The following SNAPC3 variants were observed in gnomAD, a reference collection of about 807,000 sequenced individuals.
The protein encoded by SNAPC3 is small nuclear RNA activating complex polypeptide 3, also known as snRNA-activating protein complex subunit 3.
In SNAPC3, 56 loss-of-function variants were observed where a neutral mutation model predicts 47.7. The observed-to-expected ratio is 1.18, with a 90% CI of 0.95 to 1.47. The LOEUF (loss-of-function observed/expected upper bound fraction) is 1.47. Among genes scored for constraint, SNAPC3 ranks in the 40% most tolerant of loss-of-function variants. The probability of loss-of-function intolerance (pLI) is 0.00; values close to 1 mark genes in which losing one functional copy is unlikely to be tolerated. For synonymous variants in SNAPC3, 235 were observed against 189.9 expected, an observed-to-expected ratio of 1.24 and a Z score of -1.95; for missense variants, 665 against 511.3, an observed-to-expected ratio of 1.30 and a Z score of -2.90.
chr9:15,447,599 A>T (rs900433374), intron 5 of SNAPC3, among the ~76,000 whole-genome samples: 2 of 151,982 alleles, frequency 1.3e-5, no homozygotes, highest in Admixed American at 1.3e-4. Context: ...TCTCAGCTCA[A>T]TAGTGACCAC....
chr9:15,434,910 T>C (rs960468934), intron 3 of SNAPC3, among the ~76,000 whole-genome samples: 7 of 152,232 alleles, frequency 4.6e-5, no homozygotes, highest in African/African-American at 1.2e-4. Context: ...TGTACAGATA[T>C]CTTTTTAAGT....
At chr9:15,442,741 G>T (rs1022617813) in intron 3 of SNAPC3, among the ~76,000 whole-genome samples, 3 of 152,196 alleles carry the variant, frequency 2.0e-5, no homozygotes, top group African/African-American at 7.2e-5. Context: ...CAGCCAGGCA[G>T]AGACGCTCTT....
At chr9:15,461,904 T>C (rs551120060), downstream of SNAPC3, 2 of 152,338 alleles carry the variant, frequency 1.3e-5, no homozygotes, top group Admixed American at 1.3e-4. Context: ...ATTTTTACTT[T>C]CTTGTATACA....
At chr9:15,424,041 T>C in intron 2 of SNAPC3, 55 bp downstream of exon 2, 1 of 1,084,710 alleles carries the variant, frequency 9.2e-7, no homozygotes, top group Non-Finnish European at 1.3e-6. Context: ...TTCAACATTA[T>C]GTTTTGAAAA....
chr9:15,439,378 A>G (rs1374912873), intron 3 of SNAPC3, among the ~76,000 whole-genome samples: 1 of 152,000 alleles, frequency 6.6e-6, no homozygotes, highest in Non-Finnish European at 1.5e-5. Flanking sequence ...TTCTTTGTCT[A>G]TTGAAACCTT....
chr9:15,450,659 T>C (rs901756781), intron 5 of SNAPC3, among the ~76,000 whole-genome samples: 18 of 152,220 alleles, frequency 1.2e-4, no homozygotes, highest in African/African-American at 4.3e-4. Flanking sequence ...TCTGGTTGCA[T>C]GTTTTTTTCT....
At chr9:15,451,427 A>G (rs1470751932) in intron 6 of SNAPC3, 25 bp downstream of exon 6, 3 of 1,127,248 alleles carry the variant, frequency 2.7e-6, no homozygotes, top group Non-Finnish European at 3.9e-6. Flanking sequence ...AATCTTCTCA[A>G]AGTCTTTCCT....
At chr9:15,465,291 T>G, downstream of SNAPC3, 1 of 446,358 alleles carries the variant, frequency 2.2e-6, no homozygotes, top group Non-Finnish European at 3.9e-6. Flanking sequence ...GTTTAACATT[T>G]TCTAAATGGA....
At chr9:15,434,765 A>G (rs1468912878) in intron 3 of SNAPC3, among the ~76,000 whole-genome samples, 12 of 152,326 alleles carry the variant, frequency 7.9e-5, no homozygotes, top group African/African-American at 2.6e-4. Context: ...AACGTGTATT[A>G]GAACTTCCTT....
At chr9:15,440,606 A>G (rs1464721708) in intron 3 of SNAPC3, among the ~76,000 whole-genome samples, 2 of 152,206 alleles carry the variant, frequency 1.3e-5, no homozygotes, top group African/African-American at 4.8e-5. Context: ...CAGAAGGAGC[A>G]CTTGATCCCA....
chr9:15,433,660 C>T lies in SNAPC3; in HGVS notation c.477+24C>T, dbSNP rs575788650. On this transcript the variant is annotated intron_variant, in intron 3 of 8. Coordinates refer to ENST00000380821, the MANE Select transcript of SNAPC3 (RefSeq NM_001039697.2). ...TGGTAATTAAGAGTCTCATCTTTTT[C>T]ACCCTTTTCTCTTAAAACAGTAAAC... The T allele has an allele frequency of 3.5e-6, 5 of 1,426,824 alleles. No individual in the cohort carries two copies. In the East Asian group the frequency reaches 9.1e-5, roughly 26 times the overall value. The allele number at this position is 1,426,824 out of a possible 1,614,324, so 88.4% of individuals were successfully genotyped here.
At chr9:15,427,314 C>A (rs1358573263) in intron 2 of SNAPC3, among the ~76,000 whole-genome samples, 1 of 152,146 alleles carries the variant, frequency 6.6e-6, no homozygotes, top group African/African-American at 2.4e-5. Flanking sequence ...ACTTGTCATT[C>A]CAAAAGCTTC....
rs200945273 is a variant in SNAPC3 at position 15,453,155 on chromosome 9, A to C, written c.930A>C (p.Leu310Phe). The change falls in exon 7 of 9, where the codon TTA becomes TTC. Residue 310 changes from leucine (L) to phenylalanine (F), a missense_variant. Physicochemically the swap from Leu to Phe is conservative, Grantham distance 22. Coordinates refer to ENST00000380821, the MANE Select transcript of SNAPC3 (RefSeq NM_001039697.2). ...GTATTAAACTGGGTTTTCCTTACTT[A>C]TACTGTCATCAGGGAGACTGTGAAC... Reference protein sequence around the residue: ...DLCIKLGFPYLYCHQGDCEHV... With the variant: ...DLCIKLGFPYFYCHQGDCEHV... The C allele has an allele frequency of 3.1e-6, 5 of 1,613,410 alleles. No homozygotes were observed. The highest frequency in any genetic ancestry group is 3.4e-6 in the Non-Finnish European group (4 of 1,179,378).
chr9:15,465,845 C>T, downstream of SNAPC3: 1 of 352,034 alleles, frequency 2.8e-6, no homozygotes, highest in South Asian at 9.0e-5. Context: ...CAAGCCCTTT[C>T]CATCATTTCT....
At chr9:15,453,275 AGTTTTT>A (rs1284239015) in intron 7 of SNAPC3, 70 bp downstream of exon 7, 64 of 1,263,768 alleles carry the variant, frequency 5.1e-5, no homozygotes, top group Non-Finnish European at 3.4e-5. Context: ...AACCAGAGAT[AGTTTTT>A]TTAAAAATAA....
Position 15,451,055 on chromosome 9 carries a change from A to G in SNAPC3, c.733-265A>G, listed in dbSNP as rs139835765. Among the ~76,000 whole-genome samples, 94 of 152,338 alleles carry G rather than the reference A, an allele frequency of 6.2e-4. 1 individual carries two copies. In the East Asian group the frequency reaches 0.017, roughly 28 times the overall value. On this transcript the variant is annotated intron_variant, in intron 5 of 8. Coordinates refer to ENST00000380821, the MANE Select transcript of SNAPC3 (RefSeq NM_001039697.2). ...GTTTAGGTTTTAGTTCTAGTATCCA[A>G]CACTACTTACTGCTCTGTAAGTATA...
chr9:15,430,085 T>C (rs144833990), intron 2 of SNAPC3, among the ~76,000 whole-genome samples: 1 of 152,324 alleles, frequency 6.6e-6, no homozygotes, highest in Admixed American at 6.5e-5. Flanking sequence ...TTCACAAAAA[T>C]TGATTATGTA....
chr9:15,460,072 T>C lies in SNAPC3; in HGVS notation c.*206T>C, dbSNP rs540208138. 5.1e-6 allele frequency: 2 copies of C among 390,902 alleles called. No homozygotes were observed. Among genetic ancestry groups the C allele is most frequent in the South Asian group, 1.6e-4 (2 of 12,390 alleles). 24.2% of individuals were successfully genotyped at this position (390,902 alleles called of 1,614,324 possible). On this transcript the variant is annotated 3_prime_UTR_variant, in exon 9 of 9. Transcript: ENST00000380821. ...AGTTTAATTTTATATTTATTCCAGA[T>C]AGTATTTAATTTAGTGCTTTTTACC...
chr9:15,431,947 C>T (rs1382028218), intron 2 of SNAPC3: 1 of 123,962 alleles, frequency 8.1e-6, no homozygotes, highest in African/African-American at 2.9e-5. Flanking sequence ...TGCACAGGGG[C>T]CGTGCTAATC....
Sources: allele counts gnomAD v4.1 joint callset (sites outside exome capture counted in the v4.1 genomes callset), GRCh38; gene constraint gnomAD v4.1.1; transcripts MANE v1.5; gene names NCBI Gene and HGNC (gene_info 2026-07-23, HGNC 2026-07-21).